MSH3: variants seen among roughly 807,000 people sequenced by gnomAD.
The protein encoded by MSH3 is DNA mismatch repair protein Msh3.
Under a neutral mutation model 123.3 loss-of-function variants are expected in MSH3, and 106 were observed. The ratio of observed to expected loss-of-function variants is 0.86; its 90% CI spans 0.73 to 1.01. The LOEUF (loss-of-function observed/expected upper bound fraction) is 1.01, where lower values mean the gene tolerates loss of function less well. Ranked by LOEUF, MSH3 falls within the 50% of genes least tolerant of loss-of-function variation. The pLI is 0.00. For missense variants in MSH3, 1,459 were observed against 1,347.6 expected (o/e 1.08, Z -1.29); for synonymous variants, 515 against 481.4 (o/e 1.07, Z -0.91).
chr5:80,835,172 G>GA (rs972472364), intron 20 of MSH3, among the ~76,000 whole-genome samples: 1 of 152,162 alleles, frequency 6.6e-6, no homozygotes, highest in African/African-American at 2.4e-5. Flanking sequence ...TGAGCAAGAA[G>GA]AAAAAATGTA....
intron 17 of MSH3, among the ~76,000 whole-genome samples, 196 bp from the exon 18 acceptor site, chr5:80,787,367 CAG>C (rs2112019902): frequency 1.3e-5 from 2 of 152,274 alleles, no homozygotes; most frequent in Admixed American, 1.3e-4. Context: ...ATATACAAAA[CAG>C]AAGCCTCAAT....
chr5:80,724,775 G>A (rs537889834), intron 8 of MSH3, among the ~76,000 whole-genome samples: 6 of 152,096 alleles, frequency 3.9e-5, no homozygotes, highest in Non-Finnish European at 7.4e-5. Flanking sequence ...AACAAATAAC[G>A]TAATCAAATC....
intron 2 of MSH3, 143 bp from the exon 3 acceptor site, chr5:80,665,000 C>T (rs1174777614): frequency 3.0e-6 from 2 of 659,472 alleles, no homozygotes; most frequent in Non-Finnish European, 5.1e-6. Context: ...GTGTTTCTTT[C>T]TTTTTTTAAA....
intron 20 of MSH3, among the ~76,000 whole-genome samples, chr5:80,849,235 GCCTC>G (rs952282690): frequency 2.0e-5 from 3 of 152,152 alleles, no homozygotes; most frequent in Non-Finnish European, 4.4e-5. Flanking sequence ...GCAGGGTACA[GCCTC>G]CCTCCCAGCT....
chr5:80,681,929 T>G (rs189101391), intron 8 of MSH3, among the ~76,000 whole-genome samples: 1 of 152,336 alleles, frequency 6.6e-6, no homozygotes, highest in African/African-American at 2.4e-5. Context: ...TTTTACCAAA[T>G]TTAATGCCTG....
chr5:80,778,961 G>T, intron 17 of MSH3, 125 bp downstream of exon 17: 3 of 599,548 alleles, frequency 5.0e-6, no homozygotes, highest in South Asian at 2.1e-5. Flanking sequence ...TTGAGTACAT[G>T]TGTTCTCTGA....
intron 8 of MSH3, among the ~76,000 whole-genome samples, chr5:80,683,967 C>T (rs1021057309): frequency 6.6e-6 from 1 of 150,906 alleles, no homozygotes; most frequent in South Asian, 2.1e-4. Flanking sequence ...ATGTTCTTGG[C>T]ACCATTGTCA....
chr5:80,667,004 C>G (rs1395607188), intron 3 of MSH3, among the ~76,000 whole-genome samples: 1 of 151,930 alleles, frequency 6.6e-6, no homozygotes, highest in East Asian at 1.9e-4. Context: ...TTTTGTTACC[C>G]AGGTATTAAT....
chr5:80,767,213 ATTTG>A (rs6151799), intron 13 of MSH3, among the ~76,000 whole-genome samples: 50,651 of 151,624 alleles, frequency 0.33, 8,898 homozygotes, highest in South Asian at 0.42. Flanking sequence ...ATTTTTCACT[ATTTG>A]TTAGTCTATT....
At chr5:80,826,092 A>G (rs915861613) in intron 20 of MSH3, among the ~76,000 whole-genome samples, 14 of 152,220 alleles carry the variant, frequency 9.2e-5, no homozygotes, top group African/African-American at 3.4e-4. Flanking sequence ...CTCTAGTGTC[A>G]TTCTTAGAAC....
chr5:80,692,122 A>C (rs1313076722), intron 8 of MSH3, among the ~76,000 whole-genome samples: 3 of 76,398 alleles, frequency 3.9e-5, no homozygotes, highest in Admixed American at 2.7e-4. Context: ...ATATGTTTAG[A>C]TAGATAGATA....
At chr5:80,786,426 G>A (rs1744510361) in intron 17 of MSH3, among the ~76,000 whole-genome samples, 1 of 152,116 alleles carries the variant, frequency 6.6e-6, no homozygotes, top group Admixed American at 6.5e-5. Context: ...TCTTTGATTA[G>A]TAAATGTTTG....
chr5:80,670,340 T>G lies in MSH3; in HGVS notation c.792+31T>G, dbSNP rs752928843. ...TCGTCTTTTCAGGCACTATTTTATA[T>G]TTTTCTTGTCTAGCCTTAGATATTT... On this transcript the variant is annotated intron_variant, in intron 4 of 23. Transcript: ENST00000265081. The G allele has an allele frequency of 2.6e-5, 41 of 1,595,562 alleles. No homozygotes were observed. The Admixed American group carries it at 3.5e-4, about 14-fold the overall frequency.
intron 15 of MSH3, among the ~76,000 whole-genome samples, chr5:80,774,255 A>G (rs1561473701): frequency 6.6e-6 from 1 of 152,198 alleles, no homozygotes; most frequent in Non-Finnish European, 1.5e-5. Context: ...AGGAGATATT[A>G]TCTCACCCCA....
chr5:80,654,822 G>C lies in MSH3; in HGVS notation c.95G>C (p.Gly32Ala), dbSNP rs774577965. ...AVLSRFFQST[G>A]SLKSTSSSTG... The stretch of plus-strand genomic sequence containing the variant: ...TTGAGCCGATTCTTCCAGTCTACGG[G>C]AAGCCTGAAATCCACCTCCTCCTCC... The change falls in exon 1 of 24, where the codon GGA becomes GCA. Residue 32 changes from glycine to alanine, a missense_variant. Physicochemically the swap from Gly to Ala is moderately conservative, Grantham distance 60. Transcript: ENST00000265081. 2 of 1,604,500 alleles carry C rather than the reference G, an allele frequency of 1.2e-6. No homozygotes were observed. The highest frequency in any genetic ancestry group is 2.3e-5 in the East Asian group (1 of 43,444).
rs1290478523 is a variant in MSH3, at chr5:80,800,879, GAAAAC to G, written c.2655+8040_2655+8044del. ...AATTCAGGTAATTTCAGAGAAGGTT[GAAAAC>G]AAAATAAAATGGGCTGATGTGATAG... is the stretch of plus-strand genomic sequence containing the variant. On this transcript the variant is annotated intron_variant, in intron 19 of 23. Transcript: ENST00000265081. Among the ~76,000 whole-genome samples, 5 of 152,164 alleles carry G rather than the reference GAAAAC, an allele frequency of 3.3e-5. No homozygotes were observed. The East Asian group carries it at 7.7e-4, about 23-fold the overall frequency.
Position 80,869,841 on chromosome 5 carries a change from TACAC to T in MSH3, c.3131-3256_3131-3253del, listed in dbSNP as rs35006113. 2.5e-3 allele frequency among the ~76,000 whole-genome samples: 327 copies of T among 132,530 alleles called. 2 individuals are homozygous for T. Among genetic ancestry groups the T allele is most frequent in the African/African-American group, 6.8e-3 (239 of 35,010 alleles). 86.9% of individuals were successfully genotyped at this position (132,530 alleles called of 152,430 possible). On this transcript the variant is annotated intron_variant, in intron 22 of 23. Coordinates refer to ENST00000265081, the MANE Select transcript of MSH3 (RefSeq NM_002439.5). ...ATATATATACATATATACATATATA[TACAC>T]ACACACACACACACACACTATATAA...
rs1163551499 is a variant in MSH3, at chr5:80,876,773, G to A, written c.*911G>A. ...TAAAGATTGTTGGATGAAATTATTT[G>A]TCATTCATTCAAGTAATAAATATTT... is the stretch of plus-strand genomic sequence containing the variant. On this transcript the variant is annotated 3_prime_UTR_variant, in exon 24 of 24. Coordinates refer to ENST00000265081, the MANE Select transcript of MSH3 (RefSeq NM_002439.5). 6.6e-6 allele frequency among the ~76,000 whole-genome samples: 1 copy of A among 152,172 alleles called. No individual in the cohort carries two copies. The highest frequency in any genetic ancestry group is 1.5e-5 in the Non-Finnish European group (1 of 68,018).
In MSH3 at chr5:80,670,316, C is replaced by T. The variant is rs369769870; in HGVS notation, c.792+7C>T. On this transcript the variant is annotated splice_region_variant and intron_variant, in intron 4 of 23. Coordinates refer to ENST00000265081, the MANE Select transcript of MSH3 (RefSeq NM_002439.5). ...CTTTGGGGAAGATGCAGAGGTAAGT[C>T]GTCTTTTCAGGCACTATTTTATATT... The T allele has an allele frequency of 2.1e-4, 334 of 1,612,690 alleles. No individual in the cohort carries two copies. Among genetic ancestry groups the T allele is most frequent in the Non-Finnish European group, 2.6e-4 (302 of 1,179,044 alleles).
Sources: allele counts gnomAD v4.1 joint callset (sites outside exome capture counted in the v4.1 genomes callset), GRCh38; gene constraint gnomAD v4.1.1; transcripts MANE v1.5; gene names NCBI Gene and HGNC (gene_info 2026-07-23, HGNC 2026-07-21).